The following WDR44 variants were observed in gnomAD, a reference collection of about 807,000 sequenced individuals.
The protein encoded by WDR44 is WD repeat-containing protein 44.
A neutral mutation model predicts 65.7 loss-of-function variants in WDR44; 9 were observed. That is an observed-to-expected ratio of 0.14 (90% CI 0.08 to 0.24). The LOEUF (loss-of-function observed/expected upper bound fraction) is 0.24, where lower values mean the gene tolerates loss of function less well. Ranked by LOEUF, WDR44 falls within the 10% of genes least tolerant of loss-of-function variation. The pLI is 1.00. For missense variants in WDR44, 425 were observed against 670.9 expected (o/e 0.63, Z 4.05); for synonymous variants, 220 against 235.2 (o/e 0.94, Z 0.59).
rs1369879834 is a variant in WDR44, at chrX:118,433,002, G to T, written c.1851+108G>T. On this transcript the variant is annotated intron_variant, in intron 13 of 19. Transcript: ENST00000254029. Reference sequence around the variant, plus strand: ...GGGAAACCTCAGTTTTTTGTCTTAAGGCCTTCAACTGATTGGATGAGGCCC... The same window carrying T: ...GGGAAACCTCAGTTTTTTGTCTTAATGCCTTCAACTGATTGGATGAGGCCC... The T allele has an allele frequency of 1.9e-5, 12 of 627,477 alleles. No homozygotes were observed. The East Asian group carries it at 3.8e-4, about 20-fold the overall frequency. The allele number at this position is 627,477 out of a possible 1,213,427, so 51.7% of individuals were successfully genotyped here. A position where few individuals can be genotyped will look rare whatever the true frequency, so the allele number is the denominator to read the frequency against.
At chrX:118,429,885 C>T (rs1294541596) in intron 12 of WDR44, among the ~76,000 whole-genome samples, 1 of 110,270 alleles carries the variant, frequency 9.1e-6, no homozygotes, top group East Asian at 2.9e-4. Context: ...TCAGGTGATC[C>T]GGCTGCCTCA....
At chrX:118,447,903 TATATATATATAC>T (rs1206189950) in intron 19 of WDR44, among the ~76,000 whole-genome samples, 78 of 67,223 alleles carry the variant, frequency 1.2e-3, no homozygotes, top group African/African-American at 4.1e-3. Flanking sequence ...TATATATATA[TATATATATATAC>T]TTGTATGTGT....
rs757373796 is a variant in WDR44, at chrX:118,397,104, A to G, written c.1188A>G (p.Val396=). ...TCATGAGAAGGACAAAAGAATATGTAAGGTATGGCCTAATGTTGTTATTTG... is the reference window on the plus strand; with the variant it reads ...TCATGAGAAGGACAAAAGAATATGTGAGGTATGGCCTAATGTTGTTATTTG... The part of the protein sequence containing the change: ...LHIMRRTKEY[V]SNDAAQSDDE... The change falls in exon 7 of 20, where the codon GTA becomes GTG. Residue 396 remains valine, a splice_region_variant and synonymous_variant. Transcript: ENST00000254029. The G allele has an allele frequency of 1.3e-5, 15 of 1,169,489 alleles. No individual in the cohort carries two copies. In the Admixed American group the frequency reaches 3.8e-4, roughly 30 times the overall value.
intron 1 of WDR44, among the ~76,000 whole-genome samples, chrX:118,375,182 T>G (rs1465094477): frequency 2.7e-5 from 3 of 111,464 alleles, no homozygotes; most frequent in African/African-American, 6.5e-5. Flanking sequence ...CCTGGTTTTT[T>G]TTTGTTTGTT....
intron 19 of WDR44, among the ~76,000 whole-genome samples, chrX:118,447,875 A>AATATATATATATATATATATATATATAT (rs10570740): frequency 3.7e-5 from 2 of 54,789 alleles, no homozygotes; most frequent in African/African-American, 1.3e-4. Context: ...CTCTATCTAA[A>AATATATATATATATATATATATATATAT]ATATATATAT....
chrX:118,448,941 C>A lies in WDR44; in HGVS notation c.2696C>A (p.Thr899Asn). The A allele has an allele frequency of 8.3e-7, 1 of 1,199,950 alleles. No individual in the cohort carries two copies. The highest frequency in any genetic ancestry group is 1.1e-6 in the Non-Finnish European group (1 of 888,876). ...GAAGTTCTTCTCTCTGCTGACTTCA[C>A]TGGAGCAATCAAAGTGTTTGTTAAT... ...NTEVLLSADF[T>N]GAIKVFVNKR... The change falls in exon 20 of 20, where the codon ACT (threonine) becomes AAT (asparagine). Residue 899 changes from threonine to asparagine, a missense_variant. Thr to Asn is a moderately conservative substitution (Grantham distance 65). Transcript: ENST00000254029.
chrX:118,443,735 A>G, intron 18 of WDR44, 48 bp downstream of exon 18: 1 of 1,147,490 alleles, frequency 8.7e-7, no homozygotes, highest in Non-Finnish European at 1.2e-6. Flanking sequence ...ATCAAGTTAC[A>G]GTGGATATAT....
chrX:118,417,440 G>A (rs943740197), intron 12 of WDR44, among the ~76,000 whole-genome samples: 3 of 111,550 alleles, frequency 2.7e-5, no homozygotes, highest in Non-Finnish European at 5.6e-5. Flanking sequence ...CTTCATATAT[G>A]ATACTTAGTT....
Position 118,392,841 on chromosome X carries a change from G to C in WDR44, c.396G>C (p.Glu132Asp), listed in dbSNP as rs771542506. Residue 132 changes from glutamate to aspartate, a missense_variant, in exon 4 of 20, where the codon GAG becomes GAC. Glu to Asp is a conservative substitution (Grantham distance 45). Around this residue, in one of 5 missense-constraint regions of WDR44, gnomAD observed 193 missense variants for 209.0 expected, o/e 0.92. Transcript: ENST00000254029. ...QKAESQNTFE[E>D]TELELKKCFP... The stretch of plus-strand genomic sequence containing the variant: ...CAGAGAGTCAGAATACATTTGAAGA[G>C]ACTGAATTAGAATTAAAAAAATGCT... 2.0e-5 allele frequency: 24 copies of C among 1,210,459 alleles called. No individual in the cohort carries two copies. In the Middle Eastern group the frequency reaches 6.9e-4, roughly 35 times the overall value.
rs760838624 is a variant in WDR44, at chrX:118,386,311, G to C, written c.112-1029G>C. ...TAAATAGACAACTTAAGATTGAGAA[G>C]AGTATTGTATTGAGATTTGCAAATA... On this transcript the variant is annotated intron_variant, in intron 2 of 19. Transcript: ENST00000254029. The C allele has an allele frequency of 3.0e-4, 97 of 327,433 alleles. 1 individual carries two copies. Among genetic ancestry groups the C allele is most frequent in the Non-Finnish European group, 5.2e-4 (90 of 172,414 alleles). The allele number at this position is 327,433 out of a possible 1,213,427, so 27.0% of individuals were successfully genotyped here.
chrX:118,391,933 C>T (rs979366395), intron 3 of WDR44, among the ~76,000 whole-genome samples: 2 of 111,711 alleles, frequency 1.8e-5, no homozygotes, highest in African/African-American at 3.3e-5. Flanking sequence ...GAGCCAAGAT[C>T]GTGCCACTGC....
At chrX:118,354,578 TATAAG>T (rs1364783774) in intron 1 of WDR44, among the ~76,000 whole-genome samples, 2 of 111,553 alleles carry the variant, frequency 1.8e-5, no homozygotes, top group Non-Finnish European at 3.8e-5. Flanking sequence ...GAGGATGAAA[TATAAG>T]ATTTTTTGAA....
chrX:118,427,573 T>G (rs1293640334), intron 12 of WDR44, among the ~76,000 whole-genome samples: 1 of 107,910 alleles, frequency 9.3e-6, no homozygotes, highest in African/African-American at 3.4e-5. Context: ...CCCGGCAAAA[T>G]GGGCAGACAT....
Position 118,394,118 on chromosome X carries a change from T to C in WDR44, c.890T>C (p.Val297Ala), listed in dbSNP as rs772147191. Residue 297 changes from valine (V) to alanine (A), a missense_variant, in exon 5 of 20, where the codon GTT becomes GCT. Physicochemically the swap from Val to Ala is moderately conservative, Grantham distance 64. This residue lies in a region of WDR44 where 77 missense variants were observed against 183.5 expected (regional missense o/e 0.42). Transcript: ENST00000254029. ...GCAAGCATGGCTTCAGAAAGTACGG[T>C]TAAGGATTCTCAGCCTTCTCTTGAT... ...LTASMASEST[V>A]KDSQPSLDLA... 1 of 1,211,499 alleles carries C rather than the reference T, an allele frequency of 8.3e-7. No individual in the cohort carries two copies. Among genetic ancestry groups the C allele is most frequent in the Non-Finnish European group, 1.1e-6 (1 of 895,127 alleles).
chrX:118,425,353 A>G (rs777080086), intron 12 of WDR44, among the ~76,000 whole-genome samples: 39 of 112,439 alleles, frequency 3.5e-4, no homozygotes, highest in African/African-American at 1.2e-3. Context: ...AGAACAAACT[A>G]TAAGAAGATA....
intron 1 of WDR44, among the ~76,000 whole-genome samples, chrX:118,349,077 T>C (rs754840160): frequency 8.9e-6 from 1 of 112,021 alleles, no homozygotes; most frequent in African/African-American, 3.2e-5. Context: ...TGAAAGCAAA[T>C]TTAATAAGTT....
chrX:118,403,709 A>G (rs1416694679), intron 8 of WDR44, among the ~76,000 whole-genome samples: 1 of 111,564 alleles, frequency 9.0e-6, no homozygotes, highest in East Asian at 2.8e-4. Context: ...AATATATGAA[A>G]TCTGAGACTT....
At position 118,393,129 on chromosome X, in the gene WDR44, A is replaced by G; in HGVS notation, c.684A>G (p.Thr228=). The change falls in exon 4 of 20, where the codon ACA becomes ACG. Residue 228 remains threonine, a synonymous_variant. Coordinates refer to ENST00000254029, the MANE Select transcript of WDR44 (RefSeq NM_019045.5). The stretch of plus-strand genomic sequence containing the variant: ...CAGAGCCTGATATAGTGGCTAGTAC[A>G]AAGAAGCCTGTTCCAGCACGCCCAC... ...LTPEPDIVAS[T]KKPVPARPPP... is the part of the protein sequence containing the mutation. The G allele has an allele frequency of 8.3e-7, 1 of 1,212,021 alleles. No homozygotes were observed. The highest frequency in any genetic ancestry group is 1.1e-6 in the Non-Finnish European group (1 of 895,550).
intron 13 of WDR44, among the ~76,000 whole-genome samples, chrX:118,434,837 G>T (rs1399935680): frequency 5.4e-5 from 6 of 112,015 alleles, no homozygotes; most frequent in Admixed American, 1.9e-4. Context: ...CTATCACAGT[G>T]TTTTTAGTGA....
Sources: allele counts gnomAD v4.1 joint callset (sites outside exome capture counted in the v4.1 genomes callset), GRCh38; gene constraint gnomAD v4.1.1; regional missense constraint gnomAD v4.1.1; transcripts MANE v1.5; gene names NCBI Gene and HGNC (gene_info 2026-07-23, HGNC 2026-07-21).